The following PTPN14 variants were observed in gnomAD, a reference collection of about 807,000 sequenced individuals.
PTPN14 encodes tyrosine-protein phosphatase non-receptor type 14.
In PTPN14, 53 loss-of-function variants were observed where a neutral mutation model predicts 126.8. That is an observed-to-expected ratio of 0.42 (90% CI 0.34 to 0.53). PTPN14 has a LOEUF of 0.53. PTPN14 is among the 20% of genes least tolerant of loss of function. The pLI, the probability that PTPN14 is intolerant of heterozygous loss-of-function variation, is 0.08. For synonymous variants in PTPN14, 630 were observed against 599.3 expected (o/e 1.05, Z -0.75); for missense variants, 1,257 against 1,552.9 (o/e 0.81, Z 3.20).
In PTPN14 at chr1:214,464,893, A is replaced by G. The variant is rs1660595794; in HGVS notation, c.-90T>C. ...AGTTTCGTGACTGGAAAATTACACT[A>G]TCACCTGTGCTCCTCCAGGCAGGGA... On this transcript the variant is annotated 5_prime_UTR_variant, in exon 2 of 19. Coordinates refer to ENST00000366956, the MANE Select transcript of PTPN14 (RefSeq NM_005401.5). The G allele has an allele frequency of 2.3e-5, 34 of 1,489,584 alleles. No individual in the cohort carries two copies. Among genetic ancestry groups the G allele is most frequent in the Non-Finnish European group, 2.9e-5 (32 of 1,093,116 alleles). 92.3% of individuals were successfully genotyped at this position (1,489,584 alleles called of 1,614,324 possible). A position where few individuals can be genotyped will look rare whatever the true frequency, so the allele number is the denominator to read the frequency against.
intron 3 of PTPN14, among the ~76,000 whole-genome samples, chr1:214,426,848 T>C (rs1246746698): frequency 3.9e-5 from 6 of 152,190 alleles, no homozygotes; most frequent in South Asian, 2.1e-4. Flanking sequence ...TCAGTGGCTG[T>C]ACGGGGCACA....
At chr1:214,479,074 AGTGGC>A (rs1660926931) in intron 1 of PTPN14, among the ~76,000 whole-genome samples, 1 of 151,914 alleles carries the variant, frequency 6.6e-6, no homozygotes, top group South Asian at 2.1e-4. Context: ...GGTCTGGCAC[AGTGGC>A]TCATGCCTGT....
chr1:214,533,556 G>T, intron 1 of PTPN14: 1 of 301,116 alleles, frequency 3.3e-6, no homozygotes, highest in South Asian at 3.3e-5. Context: ...AAAAGGCTGG[G>T]TGCGGTGGCT....
chr1:214,520,065 A>AAAAAAAAATATATATATATATATATAT, intron 1 of PTPN14, among the ~76,000 whole-genome samples: 1 of 71,112 alleles, frequency 1.4e-5, no homozygotes, highest in East Asian at 4.8e-4. Flanking sequence ...AAAAAAAAAA[A>AAAAAAAAATATATATATATATATATAT]ATATATATAT....
intron 1 of PTPN14, among the ~76,000 whole-genome samples, chr1:214,522,098 G>A (rs1447192004): frequency 5.9e-5 from 9 of 151,820 alleles, no homozygotes; most frequent in East Asian, 2.0e-4. Context: ...CGTCACACCC[G>A]GCTAGTTTTT....
At position 214,383,177 on chromosome 1, in the gene PTPN14, A is replaced by G; in HGVS notation, c.2544+134T>C. ...GCAAAAACTCAACATTTTGTGTAAT[A>G]AAGTACTACCTTTTAAATGCTCAAT... is the stretch of plus-strand genomic sequence containing the variant. On this transcript the variant is annotated intron_variant, in intron 13 of 18. Coordinates refer to ENST00000366956, the MANE Select transcript of PTPN14 (RefSeq NM_005401.5). This position sits in a 1 kb window ranked among gnomAD's most constrained non-coding sequence, Gnocchi z 4.4. 1 of 1,159,900 alleles carries G rather than the reference A, an allele frequency of 8.6e-7. No homozygotes were observed. 71.9% of individuals were successfully genotyped at this position (1,159,900 alleles called of 1,614,324 possible).
chr1:214,514,073 G>T (rs1238110328), intron 1 of PTPN14, among the ~76,000 whole-genome samples: 1 of 151,608 alleles, frequency 6.6e-6, no homozygotes, highest in Non-Finnish European at 1.5e-5. Flanking sequence ...TTCTCTCCTT[G>T]TCTTTTTTTA....
intron 3 of PTPN14, among the ~76,000 whole-genome samples, chr1:214,446,081 G>A (rs1376278862): frequency 6.6e-6 from 1 of 152,030 alleles, no homozygotes; most frequent in Non-Finnish European, 1.5e-5. Context: ...TTAACCAACA[G>A]GGGAAAACTA....
In PTPN14 at chr1:214,480,156, A is replaced by G. The variant is rs560679251; in HGVS notation, c.-154-15199T>C. ...CCTATACTTCTGATTCTTTCATTGG[A>G]ATAGATTCTTCAAGACTGTTATTGA... is the stretch of plus-strand genomic sequence containing the variant. On this transcript the variant is annotated intron_variant, in intron 1 of 18. Transcript: ENST00000366956. Among the ~76,000 whole-genome samples, 10 of 152,264 alleles carry G rather than the reference A, an allele frequency of 6.6e-5. No homozygotes were observed. In the South Asian group the frequency reaches 2.1e-3, roughly 32 times the overall value.
At chr1:214,459,095 C>T (rs1429771404) in intron 2 of PTPN14, among the ~76,000 whole-genome samples, 1 of 151,900 alleles carries the variant, frequency 6.6e-6, no homozygotes, top group African/African-American at 2.4e-5. Context: ...GCCAGGTTTA[C>T]AGTTGTGCCC....
chr1:214,502,661 C>T (rs1432868443), intron 1 of PTPN14, among the ~76,000 whole-genome samples: 1 of 152,004 alleles, frequency 6.6e-6, no homozygotes, highest in Non-Finnish European at 1.5e-5. Flanking sequence ...GCGAGGCCAA[C>T]TAAACAGTTT....
intron 4 of PTPN14, among the ~76,000 whole-genome samples, chr1:214,413,810 A>AG (rs556833284): frequency 7.8e-4 from 119 of 152,268 alleles, no homozygotes; most frequent in African/African-American, 2.6e-3. Flanking sequence ...CTGGAATTAC[A>AG]GGCGTGTGCC....
At chr1:214,491,812 C>A (rs917276206) in intron 1 of PTPN14, among the ~76,000 whole-genome samples, 1 of 152,164 alleles carries the variant, frequency 6.6e-6, no homozygotes, top group Non-Finnish European at 1.5e-5. Context: ...TTCCCCAAGT[C>A]TAGTTCATCT....
At chr1:214,432,696 C>T (rs971389070) in intron 3 of PTPN14, among the ~76,000 whole-genome samples, 48 of 151,958 alleles carry the variant, frequency 3.2e-4, no homozygotes, top group African/African-American at 9.9e-4. Flanking sequence ...TGAAGTAAGA[C>T]ATCAAAGAGC....
In PTPN14 at chr1:214,380,875, C is replaced by T. The variant is rs189781814; in HGVS notation, c.2544+2436G>A. 5.8e-4 allele frequency among the ~76,000 whole-genome samples: 89 copies of T among 152,248 alleles called. No homozygotes were observed. In the Middle Eastern group the frequency reaches 0.017, roughly 29 times the overall value. On this transcript the variant is annotated intron_variant, in intron 13 of 18. Transcript: ENST00000366956. ...GGCTCAAAGCCACTGGCATTGTCAC[C>T]ACCTTGCCTGGCCTCCTGGCTCACT...
chr1:214,492,631 G>C (rs942927025), intron 1 of PTPN14, among the ~76,000 whole-genome samples: 1 of 152,162 alleles, frequency 6.6e-6, no homozygotes, highest in Non-Finnish European at 1.5e-5. Context: ...TTGTCGGCCG[G>C]GCATGGTGGC....
chr1:214,466,783 C>A (rs1480251846), intron 1 of PTPN14, among the ~76,000 whole-genome samples: 1 of 152,138 alleles, frequency 6.6e-6, no homozygotes, highest in African/African-American at 2.4e-5. Flanking sequence ...AGGATTACCC[C>A]CTGAGCCCCA....
At chr1:214,442,820 CT>C (rs61357323) in intron 3 of PTPN14, among the ~76,000 whole-genome samples, 126,208 of 140,148 alleles carry the variant, frequency 0.9, 56,708 homozygotes, top group African/African-American at 0.94. Context: ...GCATAGCTTT[CT>C]TTTTTTTTTT....
intron 2 of PTPN14, among the ~76,000 whole-genome samples, chr1:214,459,124 C>T (rs1343365154): frequency 6.7e-6 from 1 of 149,108 alleles, no homozygotes; most frequent in East Asian, 2.0e-4. Context: ...CTCTGTTCCT[C>T]GCCTCCAATC....
Sources: allele counts gnomAD v4.1 joint callset (sites outside exome capture counted in the v4.1 genomes callset), GRCh38; gene constraint gnomAD v4.1.1; non-coding constraint Gnocchi (gnomAD v3.1); transcripts MANE v1.5; gene names NCBI Gene and HGNC (gene_info 2026-07-23, HGNC 2026-07-21).